Variants in RANBP2 observed in about 807,000 individuals in gnomAD.
RANBP2 encodes RAN binding protein 2.
In RANBP2, 57 loss-of-function variants were observed where a neutral mutation model predicts 303.6. The observed-to-expected ratio is 0.19, with a 90% confidence interval of 0.15 to 0.23. The LOEUF (loss-of-function observed/expected upper bound fraction) is 0.23, where lower values mean the gene tolerates loss of function less well. Among genes scored for constraint, RANBP2 ranks in the 10% least tolerant of loss-of-function variants. The pLI, the probability that RANBP2 is intolerant of heterozygous loss-of-function variation, is 1.00. For synonymous variants in RANBP2, 1,167 were observed against 1,301.5 expected (o/e 0.90, Z 2.23); for missense variants, 3,138 against 3,780.8 (o/e 0.83, Z 4.46).
the RANBP2 span, among the ~76,000 whole-genome samples, chr2:109,561,514 TTAAGA>T: frequency 1.3e-5 from 2 of 152,206 alleles, no homozygotes; most frequent in African/African-American, 4.8e-5. Flanking sequence ...AAAAAAATAC[TTAAGA>T]TTTTACCCAG....
At chr2:108,821,945 A>G in the RANBP2 span, among the ~76,000 whole-genome samples, 1 of 151,398 alleles carries the variant, frequency 6.6e-6, no homozygotes, top group African/African-American at 2.4e-5. Context: ...AAAAAAAAAA[A>G]GTATGTCCTT....
chr2:108,952,497 C>T, the RANBP2 span, among the ~76,000 whole-genome samples: 2 of 152,216 alleles, frequency 1.3e-5, no homozygotes, highest in African/African-American at 4.8e-5. Context: ...GCCTCCAATA[C>T]ATTGTAAAGC....
At chr2:109,343,348 C>T in the RANBP2 span, among the ~76,000 whole-genome samples, 9 of 152,112 alleles carry the variant, frequency 5.9e-5, no homozygotes, top group East Asian at 3.8e-4. Context: ...AACTGCCTCT[C>T]GGCATCTTCC....
the RANBP2 span, among the ~76,000 whole-genome samples, chr2:109,565,476 G>GT: frequency 6.6e-6 from 1 of 152,194 alleles, no homozygotes; most frequent in African/African-American, 2.4e-5. Flanking sequence ...AATTAGTGAT[G>GT]TTTTATGTCT....
the RANBP2 span, among the ~76,000 whole-genome samples, chr2:108,922,660 C>T: frequency 6.6e-6 from 1 of 152,144 alleles, no homozygotes. Context: ...TCAGCTCCTC[C>T]TCCACCCTTG....
Position 108,782,349 on chromosome 2 carries a change from G to A in RANBP2, c.8982G>A (p.Lys2994=), listed in dbSNP as rs1433150491. The A allele has an allele frequency of 8.1e-6, 13 of 1,614,116 alleles. No individual in the cohort carries two copies. Among genetic ancestry groups the A allele is most frequent in the Non-Finnish European group, 1.0e-5 (12 of 1,180,004 alleles). Residue 2994 remains lysine, a synonymous_variant, in exon 27 of 29, where the codon AAG becomes AAA. Coordinates refer to ENST00000283195, the MANE Select transcript of RANBP2 (RefSeq NM_006267.5). ...TTATTACTAAAACAATGGAATTAAA[G>A]CCCTTAAATGTTTCAAATAATGCTT... ...NHVITKTMEL[K]PLNVSNNALV...
At chr2:108,720,497 A>C (rs13003525) in intron 1 of RANBP2, among the ~76,000 whole-genome samples, 137 of 152,318 alleles carry the variant, frequency 9.0e-4, no homozygotes, top group Middle Eastern at 3.4e-3. Context: ...AGACTTTAGT[A>C]ATTGGATCTA....
chr2:109,312,845 A>T, the RANBP2 span, among the ~76,000 whole-genome samples: 12,251 of 152,108 alleles, frequency 0.081, 1,160 homozygotes, highest in African/African-American at 0.23. Context: ...GGGTACAAAC[A>T]TTTGCTTGAA....
At chr2:109,012,294 C>T in the RANBP2 span, among the ~76,000 whole-genome samples, 36 of 152,300 alleles carry the variant, frequency 2.4e-4, no homozygotes, top group South Asian at 6.2e-4. Context: ...CCAAGAGCTG[C>T]CTGGGAGGAA....
the RANBP2 span, among the ~76,000 whole-genome samples, chr2:109,169,183 C>T: frequency 6.6e-6 from 1 of 152,274 alleles, no homozygotes; most frequent in South Asian, 2.1e-4. Flanking sequence ...TGAGTTGTGA[C>T]TTTATTTGTG....
In RANBP2 at chr2:108,764,804, G is replaced by T. The variant is rs747511001; in HGVS notation, c.4265G>T (p.Ser1422Ile). ...TPKKEGHWDC[S>I]ICLVRNEPTV... ...AAGAAAGAAGGTCACTGGGATTGTA[G>T]TATTTGTTTAGTAAGAAATGAACCT... is the stretch of plus-strand genomic sequence containing the variant. The change falls in exon 20 of 29, where the codon AGT becomes ATT. Residue 1422 changes from serine (S) to isoleucine (I), a missense_variant. Ser to Ile is a moderately radical substitution (Grantham distance 142, BLOSUM62 -2). Transcript: ENST00000283195. 5.0e-6 allele frequency: 8 copies of T among 1,614,022 alleles called. No homozygotes were observed. In the South Asian group the frequency reaches 8.8e-5, roughly 18 times the overall value.
the RANBP2 span, chr2:109,617,015 C>T: frequency 6.0e-6 from 1 of 166,976 alleles, no homozygotes; most frequent in African/African-American, 2.4e-5. Flanking sequence ...CCTACAGAAA[C>T]TGTTTCTGGT....
chr2:109,175,150 T>C, the RANBP2 span, among the ~76,000 whole-genome samples: 1 of 152,186 alleles, frequency 6.6e-6, no homozygotes, highest in Non-Finnish European at 1.5e-5. Context: ...AACCGGGACC[T>C]AGTCCTGGTC....
chr2:108,865,999 G>A, the RANBP2 span, among the ~76,000 whole-genome samples: 1 of 152,144 alleles, frequency 6.6e-6, no homozygotes, highest in Non-Finnish European at 1.5e-5. Flanking sequence ...GCTAGGAGCT[G>A]GGGGATTTTG....
the RANBP2 span, chr2:109,348,020 A>G: frequency 6.6e-7 from 1 of 1,515,568 alleles, no homozygotes; most frequent in Non-Finnish European, 8.9e-7. Context: ...CTTCCCAGCC[A>G]CAGACCTATA....
chr2:109,675,019 G>A, the RANBP2 span, among the ~76,000 whole-genome samples: 1 of 152,026 alleles, frequency 6.6e-6, no homozygotes, highest in Non-Finnish European at 1.5e-5. Flanking sequence ...ACCGAGGCTG[G>A]AGTGCAATGG....
At chr2:109,104,729 C>T in the RANBP2 span, among the ~76,000 whole-genome samples, 1 of 152,118 alleles carries the variant, frequency 6.6e-6, no homozygotes, top group Non-Finnish European at 1.5e-5. Flanking sequence ...GTGATCCGCC[C>T]ACCTCGGCCT....
the RANBP2 span, among the ~76,000 whole-genome samples, chr2:108,908,183 C>G: frequency 6.6e-6 from 1 of 152,042 alleles, no homozygotes; most frequent in African/African-American, 2.4e-5. Context: ...GACCAGGGGA[C>G]ATGAGACGAG....
the RANBP2 span, among the ~76,000 whole-genome samples, chr2:109,352,575 C>G: frequency 6.6e-6 from 1 of 152,230 alleles, no homozygotes; most frequent in African/African-American, 2.4e-5. Flanking sequence ...CTTTTTGTAT[C>G]ATGAGATAAG....
Sources: allele counts gnomAD v4.1 joint callset (sites outside exome capture counted in the v4.1 genomes callset), GRCh38; gene constraint gnomAD v4.1.1; transcripts MANE v1.5; gene names NCBI Gene and HGNC (gene_info 2026-07-23, HGNC 2026-07-21).